KCNQ4: variants seen among roughly 807,000 people sequenced by gnomAD.
The protein encoded by KCNQ4 is potassium voltage-gated channel subfamily Q member 4.
KCNQ4 carries 31 observed loss-of-function variants against 72.6 expected under a neutral mutation model. That is an observed-to-expected ratio of 0.43 (90% CI 0.32 to 0.58). KCNQ4 has a LOEUF of 0.58. Among genes scored for constraint, KCNQ4 ranks in the 20% least tolerant of loss-of-function variants. KCNQ4 has a pLI of 0.08. For missense variants in KCNQ4, 869 were observed against 962.6 expected (o/e 0.90, Z 1.29); for synonymous variants, 405 against 403.7 (o/e 1.00, Z -0.04).
rs1648216081 is a variant in KCNQ4, at chr1:40,819,489, G to A, written c.834+17G>A. ...TGGGGGACGGTGCGTGAGGGTCTTT[G>A]TAGGGCTGCCCTTCTCCCTGGGATC... On this transcript the variant is annotated intron_variant, in intron 5 of 13. Transcript: ENST00000347132. 6.2e-7 allele frequency: 1 copy of A among 1,613,382 alleles called. No individual in the cohort carries two copies.
intron 7 of KCNQ4, 24 bp from the exon 8 acceptor site, chr1:40,822,290 C>T: frequency 1.3e-6 from 2 of 1,598,442 alleles, no homozygotes; most frequent in Non-Finnish European, 1.7e-6. Context: ...GATGCCCCAT[C>T]CCCCACGTCC....
intron 5 of KCNQ4, 21 bp from the exon 6 acceptor site, chr1:40,819,854 G>A (rs1252667005): frequency 1.6e-5 from 25 of 1,589,960 alleles, no homozygotes; most frequent in Non-Finnish European, 2.2e-5. Flanking sequence ...AGTCCTGCCT[G>A]TAACCTGTTT....
At chr1:40,826,873 GC>G (rs1314959543) in intron 9 of KCNQ4, among the ~76,000 whole-genome samples, 1 of 152,246 alleles carries the variant, frequency 6.6e-6, no homozygotes, top group Admixed American at 6.5e-5. Flanking sequence ...TGGGGCATGG[GC>G]CCAGGGTGCC....
intron 7 of KCNQ4, among the ~76,000 whole-genome samples, chr1:40,820,953 A>G (rs557945744): frequency 6.6e-6 from 1 of 152,220 alleles, no homozygotes; most frequent in East Asian, 1.9e-4. Context: ...TGCTTCAGGG[A>G]ATACTGGCCC....
chr1:40,791,917 C>T (rs532071053), intron 1 of KCNQ4, among the ~76,000 whole-genome samples: 6 of 152,172 alleles, frequency 3.9e-5, no homozygotes, highest in Admixed American at 1.3e-4. Context: ...CCTGTCTAGC[C>T]GGGCTGGACA....
chr1:40,803,788 G>C (rs1251674044), intron 1 of KCNQ4, among the ~76,000 whole-genome samples: 1 of 152,182 alleles, frequency 6.6e-6, no homozygotes, highest in African/African-American at 2.4e-5. Flanking sequence ...TGTGGCCTGT[G>C]AGTTTGCATG....
intron 8 of KCNQ4, among the ~76,000 whole-genome samples, chr1:40,822,723 G>C (rs571587442): frequency 6.6e-6 from 1 of 152,198 alleles, no homozygotes; most frequent in Non-Finnish European, 1.5e-5. Flanking sequence ...CAGCCAGCTC[G>C]TCTCCCCTCA....
At chr1:40,795,458 T>C (rs1305342092) in intron 1 of KCNQ4, among the ~76,000 whole-genome samples, 1 of 151,908 alleles carries the variant, frequency 6.6e-6, no homozygotes, top group Non-Finnish European at 1.5e-5. Flanking sequence ...GAGGGGATCT[T>C]GTTATGTTGC....
chr1:40,802,846 A>AT (rs1363391633), intron 1 of KCNQ4, among the ~76,000 whole-genome samples: 3 of 152,334 alleles, frequency 2.0e-5, no homozygotes, highest in Admixed American at 1.3e-4. Flanking sequence ...TGGTCCCATT[A>AT]GAAAGACGAA....
chr1:40,791,944 T>A (rs933527052), intron 1 of KCNQ4, among the ~76,000 whole-genome samples: 1 of 151,400 alleles, frequency 6.6e-6, no homozygotes, highest in Non-Finnish European at 1.5e-5. Context: ...ACTCGAATTG[T>A]CCCTATCAAG....
Position 40,833,015 on chromosome 1 carries a change from T to C in KCNQ4, c.1515T>C (p.Asp505=). 1 of 1,612,710 alleles carries C rather than the reference T, an allele frequency of 6.2e-7. No homozygotes were observed. Among genetic ancestry groups the C allele is most frequent in the South Asian group, 1.1e-5 (1 of 91,058 alleles). The change falls in exon 11 of 14, where the codon GAT becomes GAC. Residue 505 remains aspartate (D), a splice_region_variant and synonymous_variant. Transcript: ENST00000347132. Reference sequence around the variant, plus strand: ...CTTGCCCCATACCTGCCTTTTCAGATGCCCCCTCAGAGGAAGTAGCAGAGG... The same window carrying C: ...CTTGCCCCATACCTGCCTTTTCAGACGCCCCCTCAGAGGAAGTAGCAGAGG... The part of the protein sequence containing the change: ...LRLKPRTSAE[D]APSEEVAEEK...
rs1647188071 is a variant in KCNQ4, at chr1:40,784,987, G to C, written c.314+580G>C. On this transcript the variant is annotated intron_variant, in intron 1 of 13. Transcript: ENST00000347132. The surrounding 1 kb of genome is among the most constrained non-coding windows in gnomAD (Gnocchi z 4.1). ...CACTCGCATATGCTGTGTCCGACTT[G>C]ATCTGTGTCTTCGCTCAGTCTTCCC... Among the ~76,000 whole-genome samples the C allele has an allele frequency of 6.6e-6, 1 of 152,170 alleles. No individual in the cohort carries two copies. Among genetic ancestry groups the C allele is most frequent in the South Asian group, 2.1e-4 (1 of 4,832 alleles).
At chr1:40,796,923 T>TC (rs148558590) in intron 1 of KCNQ4, among the ~76,000 whole-genome samples, 1 of 136,348 alleles carries the variant, frequency 7.3e-6, no homozygotes, top group Non-Finnish European at 1.7e-5. Context: ...ATCAAATAAA[T>TC]AAATAAATAA....
At chr1:40,796,086 C>T (rs1014706178) in intron 1 of KCNQ4, among the ~76,000 whole-genome samples, 15 of 152,150 alleles carry the variant, frequency 9.9e-5, no homozygotes, top group Middle Eastern at 3.4e-3. Flanking sequence ...TCAGCTCAGA[C>T]AACTGAGTGC....
Position 40,802,154 on chromosome 1 carries a change from CTG to C in KCNQ4, c.315-15110_315-15109del, listed in dbSNP as rs142074674. Among the ~76,000 whole-genome samples, 173 of 152,300 alleles carry C rather than the reference CTG, an allele frequency of 1.1e-3. 2 individuals carry two copies. In the East Asian group the frequency reaches 0.027, roughly 24 times the overall value. ...TCTCCCCATTTTCCGGATGAGGAAA[CTG>C]AGTCTCCGTAAGGTGAAATGACTTA... On this transcript the variant is annotated intron_variant, in intron 1 of 13. Coordinates refer to ENST00000347132, the MANE Select transcript of KCNQ4 (RefSeq NM_004700.4).
At chr1:40,828,814 A>G (rs1648557642) in intron 9 of KCNQ4, among the ~76,000 whole-genome samples, 1 of 152,162 alleles carries the variant, frequency 6.6e-6, no homozygotes, top group Non-Finnish European at 1.5e-5. Context: ...GATATGAGCC[A>G]TTTTCTGGGC....
intron 1 of KCNQ4, among the ~76,000 whole-genome samples, chr1:40,793,254 T>G (rs1432540125): frequency 6.6e-6 from 1 of 151,938 alleles, no homozygotes; most frequent in Non-Finnish European, 1.5e-5. Flanking sequence ...CCTCCCACGG[T>G]GGCCTCGGGA....
rs1309895147 is a variant in KCNQ4, at chr1:40,838,393, G to T, written c.1958G>T (p.Gly653Val). 6.2e-7 allele frequency: 1 copy of T among 1,614,064 alleles called. No homozygotes were observed. Among genetic ancestry groups the T allele is most frequent in the Admixed American group, 1.7e-5 (1 of 60,030 alleles). The change falls in exon 14 of 14, where the codon GGC becomes GTC. Residue 653 changes from glycine to valine, a missense_variant. Around this residue, in one of 5 missense-constraint regions of KCNQ4, gnomAD observed 480 missense variants for 501.9 expected, o/e 0.96. Transcript: ENST00000347132. Reference sequence around the variant, plus strand: ...CGCTCTGGCACCTCGGCCAGCCTGGGCGCCGTGCAAGTGCCGCTGTTCGAC... The same window carrying T: ...CGCTCTGGCACCTCGGCCAGCCTGGTCGCCGTGCAAGTGCCGCTGTTCGAC... The part of the protein sequence containing the change: ...CLRSGTSASL[G>V]AVQVPLFDPD...
intron 8 of KCNQ4, 80 bp from the exon 9 acceptor site, chr1:40,824,017 A>G: frequency 1.3e-6 from 2 of 1,493,388 alleles, no homozygotes; most frequent in East Asian, 2.5e-5. Context: ...GCAAGATCTG[A>G]GCTCAGGAGC....
Sources: gnomAD v4.1 joint callset for allele counts (sites outside exome capture counted in the v4.1 genomes callset) on GRCh38, gnomAD v4.1.1 for gene constraint, gnomAD v4.1.1 regional missense constraint, Gnocchi (gnomAD v3.1) non-coding constraint, MANE v1.5 for transcripts, NCBI Gene and HGNC (gene_info 2026-07-23, HGNC 2026-07-21) for gene names.